KCNG4: variants seen among roughly 807,000 people sequenced by gnomAD.
KCNG4 encodes potassium voltage-gated channel modifier subfamily G member 4, also known as voltage-gated potassium channel regulatory subunit KCNG4.
In KCNG4, 30 loss-of-function variants were observed where a neutral mutation model predicts 28.2. The observed-to-expected ratio is 1.06, with a 90% CI of 0.80 to 1.44. The LOEUF (loss-of-function observed/expected upper bound fraction) is 1.44. Among genes scored for constraint, KCNG4 ranks in the 40% most tolerant of loss-of-function variants. The pLI, the probability that KCNG4 is intolerant of heterozygous loss-of-function variation, is 0.00. For missense variants in KCNG4, 879 were observed against 712.3 expected (o/e 1.23, Z -2.66); for synonymous variants, 375 against 315.5 (o/e 1.19, Z -2.00).
chr16:84,238,832 C>T (rs767038710), intron 1 of KCNG4, among the ~76,000 whole-genome samples: 2 of 152,064 alleles, frequency 1.3e-5, no homozygotes, highest in Non-Finnish European at 2.9e-5. Context: ...TGCGCCATTG[C>T]ACTCCAGCCT....
chr16:84,228,022 G>A (rs897089477), intron 2 of KCNG4, among the ~76,000 whole-genome samples: 1 of 152,210 alleles, frequency 6.6e-6, no homozygotes, highest in African/African-American at 2.4e-5. Context: ...GGGAGTTATC[G>A]TCGGAGTCTG....
At chr16:84,223,758 AC>A (rs1409625125) in intron 2 of KCNG4, among the ~76,000 whole-genome samples, 1 of 151,940 alleles carries the variant, frequency 6.6e-6, no homozygotes, top group East Asian at 1.9e-4. Context: ...GTTGTTTACC[AC>A]CCCTCATTCA....
intron 1 of KCNG4, among the ~76,000 whole-genome samples, chr16:84,238,173 C>G (rs1905020071): frequency 6.6e-6 from 1 of 152,170 alleles, no homozygotes; most frequent in South Asian, 2.1e-4. Flanking sequence ...CTGGCTTCCC[C>G]TAACTCACCT....
intron 2 of KCNG4, among the ~76,000 whole-genome samples, chr16:84,232,404 G>A (rs1364015122): frequency 6.6e-6 from 1 of 152,174 alleles, no homozygotes; most frequent in African/African-American, 2.4e-5. Context: ...AAAGCAGATG[G>A]GTGATTGCCA....
chr16:84,227,651 C>T (rs931027771), intron 2 of KCNG4, among the ~76,000 whole-genome samples: 1 of 152,016 alleles, frequency 6.6e-6, no homozygotes, highest in African/African-American at 2.4e-5. Flanking sequence ...TCATAATAGC[C>T]CCAAAGTAGA....
intron 2 of KCNG4, 52 bp from the exon 3 acceptor site, chr16:84,223,072 G>A (rs1051041405): frequency 7.1e-7 from 1 of 1,415,982 alleles, no homozygotes; most frequent in Non-Finnish European, 9.5e-7. Context: ...TTGCAACTGT[G>A]CTGGAAATCG....
intron 2 of KCNG4, 70 bp from the exon 3 acceptor site, chr16:84,223,090 A>T (rs1371946612): frequency 2.4e-6 from 3 of 1,225,948 alleles, no homozygotes; most frequent in Non-Finnish European, 3.4e-6. Flanking sequence ...TCGGGGGACG[A>T]CTTCATGCCC....
chr16:84,236,397 T>G, intron 2 of KCNG4: 1 of 427,410 alleles, frequency 2.3e-6, no homozygotes, highest in Non-Finnish European at 4.1e-6. Context: ...GGAGGTGGCG[T>G]GATTTGCCTG....
intron 2 of KCNG4, among the ~76,000 whole-genome samples, chr16:84,234,209 T>G (rs1292697673): frequency 2.6e-5 from 4 of 152,216 alleles, no homozygotes; most frequent in Non-Finnish European, 4.4e-5. Flanking sequence ...GTTTTGCTCT[T>G]GTTGCCCAGG....
chr16:84,234,256 C>G (rs1904890682), intron 2 of KCNG4, among the ~76,000 whole-genome samples: 1 of 152,206 alleles, frequency 6.6e-6, no homozygotes, highest in Admixed American at 6.5e-5. Context: ...TCACTGCAAC[C>G]TCCACCTCCG....
rs745505562 is a variant in KCNG4 at position 84,236,927 on chromosome 16, G to A, written c.559C>T (p.Gln187Ter). Reference protein sequence around the residue: ...KLHREDVLRQQRETRRPASHS... With the variant: ...KLHREDVLRQ ...GAGGCGGGGCGGCGGGTCTCCCTCT[G>A]CTGCCTCAGTACGTCCTCCCTGTGC... is the stretch of plus-strand genomic sequence containing the variant. The change falls in exon 2 of 3, where the codon CAG becomes TAG. Residue 187 changes from glutamine to a stop codon, truncating the protein, a stop_gained. Coordinates refer to ENST00000308251, the MANE Select transcript of KCNG4 (RefSeq NM_172347.3). LOFTEE classifies it high-confidence loss of function. The A allele has an allele frequency of 6.2e-7, 1 of 1,613,568 alleles. No homozygotes were observed. Among genetic ancestry groups the A allele is most frequent in the South Asian group, 1.1e-5 (1 of 91,080 alleles).
In KCNG4 at chr16:84,236,998, C is replaced by A. The variant is rs769378154; in HGVS notation, c.488G>T (p.Arg163Leu). The change falls in exon 2 of 3, where the codon CGG becomes CTG. Residue 163 changes from arginine to leucine, a missense_variant. Physicochemically the swap from Arg to Leu is moderately radical, Grantham distance 102. Coordinates refer to ENST00000308251, the MANE Select transcript of KCNG4 (RefSeq NM_172347.3). ...EEAHLERCCL[R>L]KLLRKLEELE... is the part of the protein sequence containing the mutation. ...CTCCTCCAGCTTCCTCAGCAGCTTC[C>A]GCAGGCAGCACCTCTCCAGGTGGGC... is the stretch of plus-strand genomic sequence containing the variant. 8.7e-6 allele frequency: 14 copies of A among 1,613,516 alleles called. No homozygotes were observed. The highest frequency in any genetic ancestry group is 1.3e-5 in the African/African-American group (1 of 74,768).
At position 84,237,117 on chromosome 16, in the gene KCNG4, G is replaced by A. The variant is rs144555438; in HGVS notation, c.369C>T (p.Ile123=). 2.9e-5 allele frequency: 46 copies of A among 1,614,014 alleles called. No homozygotes were observed. Among genetic ancestry groups the A allele is most frequent in the African/African-American group, 9.3e-5 (7 of 74,938 alleles). Residue 123 remains isoleucine (I), a synonymous_variant, in exon 2 of 3, where the codon ATC becomes ATT. Transcript: ENST00000308251. ...GCTTCCCGGCCGCCAGGAAGCTCAC[G>A]ATCACCCCGAAGGCGCTGGGGCTCC... is the stretch of plus-strand genomic sequence containing the variant. ...FDRSPSAFGV[I]VSFLAAGKLV...
At chr16:84,228,813 C>T (rs1002349507) in intron 2 of KCNG4, among the ~76,000 whole-genome samples, 1 of 152,232 alleles carries the variant, frequency 6.6e-6, no homozygotes, top group Non-Finnish European at 1.5e-5. Flanking sequence ...CCGGGAGACC[C>T]GCTGAGGGAT....
chr16:84,227,712 A>G (rs866728942), intron 2 of KCNG4, among the ~76,000 whole-genome samples: 3 of 152,372 alleles, frequency 2.0e-5, no homozygotes, highest in Middle Eastern at 6.8e-3. Context: ...AATGCGGCCT[A>G]TTCATACAAT....
At position 84,237,225 on chromosome 16, in the gene KCNG4, T is replaced by A. The variant is rs758054712; in HGVS notation, c.261A>T (p.Lys87Asn). Residue 87 changes from lysine (K) to asparagine (N), a missense_variant, in exon 2 of 3, where the codon AAA becomes AAT. Lys to Asn is a moderately conservative substitution (Grantham distance 94). Transcript: ENST00000308251. ...CCTCGTAGCTCCGACAGAGCCTGAG[T>A]TTGCTCAGGCGGCTCAGCGGGAACC... ...LDRFPLSRLS[K>N]LRLCRSYEEI... The A allele has an allele frequency of 9.9e-6, 16 of 1,613,880 alleles. No homozygotes were observed. The highest frequency in any genetic ancestry group is 1.7e-5 in the Admixed American group (1 of 59,996).
chr16:84,234,586 A>G (rs1011532120), intron 2 of KCNG4, among the ~76,000 whole-genome samples: 2 of 152,208 alleles, frequency 1.3e-5, no homozygotes, highest in African/African-American at 2.4e-5. Flanking sequence ...CTTACAGCAA[A>G]TGTCCATCCA....
chr16:84,225,915 AG>A (rs1420460641), intron 2 of KCNG4, among the ~76,000 whole-genome samples: 2 of 152,238 alleles, frequency 1.3e-5, no homozygotes, highest in African/African-American at 2.4e-5. Context: ...GCATTGGGGC[AG>A]GGGGTGTTTA....
chr16:84,237,872 A>C (rs1015331764), intron 1 of KCNG4, among the ~76,000 whole-genome samples: 1 of 152,118 alleles, frequency 6.6e-6, no homozygotes, highest in Admixed American at 6.5e-5. Flanking sequence ...TATGTGGCTT[A>C]ACCTCTCTGA....
Sources: allele counts gnomAD v4.1 joint callset (sites outside exome capture counted in the v4.1 genomes callset), GRCh38; gene constraint gnomAD v4.1.1; transcripts MANE v1.5; gene names NCBI Gene and HGNC (gene_info 2026-07-23, HGNC 2026-07-21).